NELL2: variants seen among roughly 807,000 people sequenced by gnomAD.
NELL2 encodes neural EGFL like 2.
NELL2 carries 41 observed loss-of-function variants against 109.6 expected under a neutral mutation model. The ratio of observed to expected loss-of-function variants is 0.37; its 90% CI spans 0.29 to 0.49. The LOEUF (loss-of-function observed/expected upper bound fraction) is 0.49, where lower values mean the gene tolerates loss of function less well. Among genes scored for constraint, NELL2 ranks in the 20% least tolerant of loss-of-function variants. NELL2 has a pLI of 0.98. For missense variants in NELL2, 900 were observed against 1,008.3 expected (o/e 0.89, Z 1.45); for synonymous variants, 355 against 344.7 (o/e 1.03, Z -0.33).
intron 13 of NELL2, among the ~76,000 whole-genome samples, chr12:44,650,744 G>T (rs1250249415): frequency 1.5e-5 from 2 of 131,268 alleles, no homozygotes; most frequent in Admixed American, 1.6e-4. Context: ...AGATACCAGA[G>T]AGGTCTCTGT....
chr12:44,628,981 AGT>A (rs111879793), intron 13 of NELL2, among the ~76,000 whole-genome samples: 5,490 of 152,282 alleles, frequency 0.036, 327 homozygotes, highest in African/African-American at 0.12. Flanking sequence ...TTCTCTGTTC[AGT>A]GTAGAATAAC....
chr12:44,750,767 A>T (rs181736080), intron 9 of NELL2, among the ~76,000 whole-genome samples: 12 of 152,250 alleles, frequency 7.9e-5, no homozygotes, highest in Admixed American at 6.5e-4. Context: ...ATAAGTCTTG[A>T]TAGCAAGCAG....
At chr12:44,892,866 G>C (rs1357146162) in intron 1 of NELL2, among the ~76,000 whole-genome samples, 5 of 149,366 alleles carry the variant, frequency 3.3e-5, no homozygotes, top group Admixed American at 2.7e-4. Flanking sequence ...ACATCAGTAA[G>C]GAGCACAATT....
At chr12:44,776,995 A>G (rs374211717) in intron 7 of NELL2, 47 bp downstream of exon 7, 2 of 1,516,358 alleles carry the variant, frequency 1.3e-6, no homozygotes, top group Non-Finnish European at 1.8e-6. Context: ...TATTGGGAAC[A>G]TCAAGGATTT....
chr12:44,570,210 C>G (rs929508007), intron 15 of NELL2, among the ~76,000 whole-genome samples: 1 of 152,174 alleles, frequency 6.6e-6, no homozygotes, highest in Non-Finnish European at 1.5e-5. Flanking sequence ...TTGATTTCTG[C>G]ACACCCCCAC....
intron 13 of NELL2, among the ~76,000 whole-genome samples, chr12:44,647,603 G>A (rs558881150): frequency 5.9e-5 from 9 of 152,266 alleles, no homozygotes; most frequent in African/African-American, 2.2e-4. Flanking sequence ...TGACTAGGAA[G>A]GTGAATACTA....
intron 2 of NELL2, among the ~76,000 whole-genome samples, chr12:44,850,080 T>C (rs1944489361): frequency 6.6e-6 from 1 of 152,162 alleles, no homozygotes; most frequent in Non-Finnish European, 1.5e-5. Flanking sequence ...TACAATTATC[T>C]AAACTCATCA....
chr12:44,521,355 C>A (rs544472364), intron 18 of NELL2, among the ~76,000 whole-genome samples: 1 of 151,670 alleles, frequency 6.6e-6, no homozygotes, highest in Non-Finnish European at 1.5e-5. Context: ...ACGGTGAAAC[C>A]CCGTCTCTAC....
intron 12 of NELL2, among the ~76,000 whole-genome samples, chr12:44,668,827 C>T (rs1321509042): frequency 6.6e-6 from 1 of 152,156 alleles, no homozygotes; most frequent in East Asian, 1.9e-4. Flanking sequence ...AAAACTGCCA[C>T]TAGTGCCACC....
intron 18 of NELL2, among the ~76,000 whole-genome samples, chr12:44,521,692 C>T (rs994117658): frequency 6.6e-6 from 1 of 151,878 alleles, no homozygotes; most frequent in Non-Finnish European, 1.5e-5. Context: ...TTTAAGTTAG[C>T]CTAAACAGGA....
rs1941623168 is a variant in NELL2, at chr12:44,523,361, T to C, written c.1928A>G (p.Asp643Gly). 6.2e-7 allele frequency: 1 copy of C among 1,614,194 alleles called. No individual in the cohort carries two copies. The highest frequency in any genetic ancestry group is 8.5e-7 in the Non-Finnish European group (1 of 1,180,006). Residue 643 changes from aspartate (D) to glycine (G), a missense_variant, in exon 17 of 20, where the codon GAT becomes GGT. Transcript: ENST00000429094. ...GKNCTGDCIH[D>G]GKVKHNGQIW... ...CTGACCATTGTGCTTAACTTTTCCA[T>C]CATGGATGCAGTCCCCTGTGCAATT...
rs771633333 is a variant in NELL2, at chr12:44,508,992, T to TA, written c.2401-9dup. ...GCAACAGATGTGGCCATTCTAGATT[T>TA]AAAAAAAGTAGAAAGAAAAACAGTA... On this transcript the variant is annotated splice_polypyrimidine_tract_variant and intron_variant, in intron 19 of 19. Transcript: ENST00000429094. 42 of 1,610,282 alleles carry TA rather than the reference T, an allele frequency of 2.6e-5. 1 individual carries two copies. In the South Asian group the frequency reaches 4.2e-4, roughly 16 times the overall value.
At chr12:44,525,627 G>T (rs886218028) in intron 16 of NELL2, among the ~76,000 whole-genome samples, 1 of 152,158 alleles carries the variant, frequency 6.6e-6, no homozygotes, top group African/African-American at 2.4e-5. Context: ...TGTGTATTCT[G>T]CTTTGAAAAA....
chr12:44,703,725 C>T lies in NELL2; in HGVS notation c.1318+1G>A, dbSNP rs769298680. 1 of 1,613,174 alleles carries T rather than the reference C, an allele frequency of 6.2e-7. No homozygotes were observed. The highest frequency in any genetic ancestry group is 8.5e-7 in the Non-Finnish European group (1 of 1,179,446). ...GAGCTACACATCATTACAAGGATTA[C>T]CTTCACAGTAGGCATTATCCTCTCG... On this transcript the variant is annotated splice_donor_variant, in intron 12 of 19. Coordinates refer to ENST00000429094, the MANE Select transcript of NELL2 (RefSeq NM_001145108.2). LOFTEE classifies it high-confidence loss of function.
At chr12:44,605,357 G>A (rs896256085) in intron 15 of NELL2, among the ~76,000 whole-genome samples, 23 of 152,178 alleles carry the variant, frequency 1.5e-4, no homozygotes, top group African/African-American at 5.5e-4. Flanking sequence ...GGGAAGTTAA[G>A]TAACTTGCCC....
intron 12 of NELL2, among the ~76,000 whole-genome samples, chr12:44,678,713 G>A (rs886240366): frequency 2.0e-5 from 3 of 152,082 alleles, no homozygotes; most frequent in African/African-American, 7.2e-5. Flanking sequence ...GTAGTATCAT[G>A]AAGACAAGGT....
chr12:44,921,811 C>A (rs568201291), exon 1 of NELL2: 3 of 152,134 alleles, frequency 2.0e-5, no homozygotes, highest in African/African-American at 7.2e-5. Context: ...GTACTTCTGC[C>A]TTTGTGGAAC....
At position 44,729,065 on chromosome 12, in the gene NELL2, T is replaced by C. The variant is rs534719913; in HGVS notation, c.995-14324A>G. 3.4e-4 allele frequency among the ~76,000 whole-genome samples: 51 copies of C among 152,202 alleles called. 1 individual carries two copies. The highest frequency in any genetic ancestry group is 1.7e-3 in the South Asian group (8 of 4,826). The stretch of plus-strand genomic sequence containing the variant: ...ACTTTTTAACTGGTAAAGGTAAATA[T>C]ACAGACAAATACAGAATACTATAAT... On this transcript the variant is annotated intron_variant, in intron 9 of 19. Coordinates refer to ENST00000429094, the MANE Select transcript of NELL2 (RefSeq NM_001145108.2).
rs530621306 is a variant in NELL2, at chr12:44,574,794, C to A, written c.1663+32375G>T. On this transcript the variant is annotated intron_variant, in intron 15 of 19. Coordinates refer to ENST00000429094, the MANE Select transcript of NELL2 (RefSeq NM_001145108.2). Reference sequence around the variant, plus strand: ...TGGCCTCAAATATTTGCATGGCTTGCTCTCTTATCTTTGTTAGGTATTTAT... The same window carrying A: ...TGGCCTCAAATATTTGCATGGCTTGATCTCTTATCTTTGTTAGGTATTTAT... 4.6e-5 allele frequency among the ~76,000 whole-genome samples: 7 copies of A among 152,224 alleles called. No individual in the cohort carries two copies. In the East Asian group the frequency reaches 1.3e-3, roughly 29 times the overall value.
Sources: allele counts gnomAD v4.1 joint callset (sites outside exome capture counted in the v4.1 genomes callset), GRCh38; gene constraint gnomAD v4.1.1; transcripts MANE v1.5; gene names NCBI Gene and HGNC (gene_info 2026-07-23, HGNC 2026-07-21).